DNMBP: variants seen among roughly 807,000 people sequenced by gnomAD.
DNMBP encodes the protein dynamin binding protein, also known as dynamin-binding protein.
A neutral mutation model predicts 150.0 loss-of-function variants in DNMBP; 87 were observed. That is an observed-to-expected ratio of 0.58 (90% CI 0.49 to 0.69). The LOEUF (loss-of-function observed/expected upper bound fraction) is 0.69. Among genes scored for constraint, DNMBP ranks in the 30% least tolerant of loss-of-function variants. The probability of loss-of-function intolerance (pLI) is 0.00; values close to 1 mark genes in which losing one functional copy is unlikely to be tolerated. For synonymous variants in DNMBP, 711 were observed against 750.4 expected, an observed-to-expected ratio of 0.95 and a Z score of 0.86; for missense variants, 1,774 against 1,949.0, an observed-to-expected ratio of 0.91 and a Z score of 1.69.
At chr10:99,913,908 C>G in intron 4 of DNMBP, 1 of 1,295,002 alleles carries the variant, frequency 7.7e-7, no homozygotes, top group African/African-American at 1.5e-5. Context: ...AAGAGGCTGC[C>G]TGTTCCACTT....
intron 4 of DNMBP, among the ~76,000 whole-genome samples, chr10:99,918,130 T>A (rs1283511708): frequency 6.6e-6 from 1 of 152,082 alleles, no homozygotes; most frequent in Non-Finnish European, 1.5e-5. Flanking sequence ...CGTGCTCATC[T>A]TCTCCCCAGC....
At chr10:99,994,514 G>A (rs1763972261) in intron 1 of DNMBP, among the ~76,000 whole-genome samples, 1 of 152,176 alleles carries the variant, frequency 6.6e-6, no homozygotes, top group African/African-American at 2.4e-5. Flanking sequence ...TTCTTGAGAG[G>A]AAGGGGGAGT....
chr10:99,930,290 C>G (rs746166263), intron 4 of DNMBP: 1 of 702,986 alleles, frequency 1.4e-6, no homozygotes, highest in South Asian at 1.5e-5. Flanking sequence ...TACAGTCAGT[C>G]AACTGTTCAG....
chr10:99,948,662 G>C, intron 4 of DNMBP, among the ~76,000 whole-genome samples: 1 of 152,024 alleles, frequency 6.6e-6, no homozygotes, highest in Non-Finnish European at 1.5e-5. Context: ...TTACCATATG[G>C]AAAGAAAATA....
rs532226561 is a variant in DNMBP, at chr10:99,970,971, CAAAAAAAAAAA to C, written c.145+998_145+1008del. Among the ~76,000 whole-genome samples, 55 of 33,196 alleles carry C rather than the reference CAAAAAAAAAAA, an allele frequency of 1.7e-3. 3 individuals are homozygous for C. The highest frequency in any genetic ancestry group is 4.4e-3 in the African/African-American group (44 of 10,064). The allele number at this position is 33,196 out of a possible 152,430, so 21.8% of individuals were successfully genotyped here. ...TGGGCAACAGAGCAAGACTCCGTCT[CAAAAAAAAAAA>C]AAAAAAAAAAAAAAAAGGAAAGCAG... On this transcript the variant is annotated intron_variant, in intron 2 of 16. Coordinates refer to ENST00000324109, the MANE Select transcript of DNMBP (RefSeq NM_015221.4).
intron 4 of DNMBP, among the ~76,000 whole-genome samples, chr10:99,929,285 G>A (rs972927028): frequency 6.7e-6 from 1 of 150,164 alleles, no homozygotes; most frequent in Admixed American, 6.6e-5. Context: ...TTGCTGCCTC[G>A]ACAAGATGAA....
intron 1 of DNMBP, among the ~76,000 whole-genome samples, chr10:99,981,783 C>T (rs1021058425): frequency 6.6e-6 from 1 of 152,152 alleles, no homozygotes; most frequent in African/African-American, 2.4e-5. Context: ...ATGGCACTGG[C>T]AGGAGGTCTG....
chr10:99,959,670 T>C (rs930527739), intron 3 of DNMBP, among the ~76,000 whole-genome samples: 2 of 151,014 alleles, frequency 1.3e-5, no homozygotes, highest in South Asian at 2.1e-4. Context: ...CTGGGCAACA[T>C]AGTGAGACCG....
chr10:99,955,501 AC>A lies in DNMBP; in HGVS notation c.1972del (p.Val658TyrfsTer16). Reference sequence around the variant, plus strand: ...GTGTCGAGATAGGAGCTTGGGGGATACCGCATTCGTTCTCTGCTGTGCTGAG... The same window carrying A: ...GTGTCGAGATAGGAGCTTGGGGGATACGCATTCGTTCTCTGCTGTGCTGAG... ...PPSAQQRTNA[V>X]SPKLLSRHRP... is the part of the protein sequence containing the mutation. On this transcript the variant is annotated frameshift_variant, in exon 4 of 17. Transcript: ENST00000324109. LOFTEE classifies it high-confidence loss of function. 1 of 1,599,022 alleles carries A rather than the reference AC, an allele frequency of 6.3e-7. No homozygotes were observed. Among genetic ancestry groups the A allele is most frequent in the Non-Finnish European group, 8.5e-7 (1 of 1,172,206 alleles).
intron 4 of DNMBP, among the ~76,000 whole-genome samples, chr10:99,938,448 G>A (rs1222791234): frequency 6.6e-6 from 1 of 152,224 alleles, no homozygotes; most frequent in Non-Finnish European, 1.5e-5. Flanking sequence ...GGAGGCTGAG[G>A]CAGGAGAATC....
At position 99,914,697 on chromosome 10, in the gene DNMBP, A is replaced by G. The variant is rs562609757; in HGVS notation, c.2261-5551T>C. Among the ~76,000 whole-genome samples the G allele has an allele frequency of 2.0e-5, 3 of 152,292 alleles. No individual in the cohort carries two copies. The East Asian group carries it at 5.8e-4, about 29-fold the overall frequency. On this transcript the variant is annotated intron_variant, in intron 4 of 16. Transcript: ENST00000324109. Reference sequence around the variant, plus strand: ...AGAAAGGCACACAACAATATGCCACAATTTTTTAAGAAAATGCACAATTTT... The same window carrying G: ...AGAAAGGCACACAACAATATGCCACGATTTTTTAAGAAAATGCACAATTTT...
rs1347710506 is a variant in DNMBP at position 99,934,353 on chromosome 10, G to T, written c.2260+20861C>A. The stretch of plus-strand genomic sequence containing the variant: ...CAGATGGAGAGACAGTGTAACTGGA[G>T]TAAGGCTTTGGGGTTAATAATGATG... On this transcript the variant is annotated intron_variant, in intron 4 of 16. Coordinates refer to ENST00000324109, the MANE Select transcript of DNMBP (RefSeq NM_015221.4). Among the ~76,000 whole-genome samples the T allele has an allele frequency of 3.3e-5, 5 of 149,868 alleles. No homozygotes were observed. In the Admixed American group the frequency reaches 3.3e-4, roughly 10 times the overall value.
chr10:99,929,848 C>T lies in DNMBP; in HGVS notation c.2261-20702G>A. 4 of 702,952 alleles carry T rather than the reference C, an allele frequency of 5.7e-6. No homozygotes were observed. In the Middle Eastern group the frequency reaches 6.9e-4, roughly 121 times the overall value. 43.5% of individuals were successfully genotyped at this position (702,952 alleles called of 1,614,324 possible). A position where few individuals can be genotyped will look rare whatever the true frequency, so the allele number is the denominator to read the frequency against. On this transcript the variant is annotated intron_variant, in intron 4 of 16. Transcript: ENST00000324109. ...AGAAGGATCCTGCTGCCCCCATGTGCCTTTGTTCTTGGTATGTCAGTGCCA... is the reference window on the plus strand; with the variant it reads ...AGAAGGATCCTGCTGCCCCCATGTGTCTTTGTTCTTGGTATGTCAGTGCCA...
At position 99,972,239 on chromosome 10, in the gene DNMBP, A is replaced by C. The variant is rs2040686316; in HGVS notation, c.-10-105T>G. On this transcript the variant is annotated intron_variant, in intron 1 of 16. Coordinates refer to ENST00000324109, the MANE Select transcript of DNMBP (RefSeq NM_015221.4). Reference sequence around the variant, plus strand: ...AGCTTAAGATACAAATATACTTAAAATGAAGCCAAAGCTAAGCAAATAAGT... The same window carrying C: ...AGCTTAAGATACAAATATACTTAAACTGAAGCCAAAGCTAAGCAAATAAGT... 3.5e-6 allele frequency: 4 copies of C among 1,136,990 alleles called. No homozygotes were observed. The African/African-American group carries it at 4.7e-5, about 13-fold the overall frequency. 70.4% of individuals were successfully genotyped at this position (1,136,990 alleles called of 1,614,324 possible). A position where few individuals can be genotyped will look rare whatever the true frequency, so the allele number is the denominator to read the frequency against.
In DNMBP at chr10:99,956,873, G is replaced by A. The variant is rs762731276; in HGVS notation, c.601C>T (p.Leu201=). The change falls in exon 4 of 17, where the codon CTG becomes TTG. Residue 201 remains leucine (L), a synonymous_variant. Coordinates refer to ENST00000324109, the MANE Select transcript of DNMBP (RefSeq NM_015221.4). The stretch of plus-strand genomic sequence containing the variant: ...TCCACAGTCCTCAGGGGCCCCAACA[G>A]CTCTACAAAACCTTCTGGAAAAATG... ...RGIFPEGFVE[L]LGPLRTVDES... 2 of 1,614,120 alleles carry A rather than the reference G, an allele frequency of 1.2e-6. No individual in the cohort carries two copies. Among genetic ancestry groups the A allele is most frequent in the Non-Finnish European group, 1.7e-6 (2 of 1,180,024 alleles).
chr10:99,886,863 G>A (rs1225735351), intron 12 of DNMBP, among the ~76,000 whole-genome samples: 1 of 152,098 alleles, frequency 6.6e-6, no homozygotes, highest in African/African-American at 2.4e-5. Context: ...ACATCAAGGA[G>A]TATGTAAAAT....
intron 4 of DNMBP, among the ~76,000 whole-genome samples, chr10:99,938,664 T>C (rs141596983): frequency 9.2e-5 from 14 of 152,308 alleles, no homozygotes; most frequent in African/African-American, 3.4e-4. Flanking sequence ...GATAAGCAGT[T>C]TGCATAAAGA....
rs200818564 is a variant in DNMBP at position 99,935,495 on chromosome 10, TC to T, written c.2260+19718del. 1.5e-4 allele frequency among the ~76,000 whole-genome samples: 23 copies of T among 152,250 alleles called. No homozygotes were observed. The East Asian group carries it at 2.7e-3, about 18-fold the overall frequency. On this transcript the variant is annotated intron_variant, in intron 4 of 16. Coordinates refer to ENST00000324109, the MANE Select transcript of DNMBP (RefSeq NM_015221.4). ...TTGAACTGTTGGGCTCAAGCAGTCTTCCCACCTCAGCCTCACGAGTAGCTGA... is the reference window on the plus strand; with the variant it reads ...TTGAACTGTTGGGCTCAAGCAGTCTTCCACCTCAGCCTCACGAGTAGCTGA...
chr10:99,930,912 G>A (rs951566217), intron 4 of DNMBP: 41 of 542,544 alleles, frequency 7.6e-5, no homozygotes, highest in Admixed American at 1.1e-4. Flanking sequence ...TGCTCTAGTC[G>A]GAGCGCAGTG....
Sources: allele counts gnomAD v4.1 joint callset (sites outside exome capture counted in the v4.1 genomes callset), GRCh38; gene constraint gnomAD v4.1.1; transcripts MANE v1.5; gene names NCBI Gene and HGNC (gene_info 2026-07-23, HGNC 2026-07-21).